Variants in RYR2 observed in about 807,000 individuals in gnomAD.
RYR2 encodes ryanodine receptor 2.
RYR2 carries 227 observed loss-of-function variants against 601.1 expected under a neutral mutation model. The ratio of observed to expected loss-of-function variants is 0.38; its 90% confidence interval spans 0.34 to 0.42. The LOEUF is 0.42. RYR2 is among the 10% of genes least tolerant of loss of function. The pLI is 1.00. For missense variants in RYR2, 4,646 were observed against 6,156.5 expected (o/e 0.75, Z 8.21); for synonymous variants, 2,223 against 2,175.1 (o/e 1.02, Z -0.61).
chr1:237,455,478 T>C (rs1572404766), intron 15 of RYR2, among the ~76,000 whole-genome samples: 1 of 152,232 alleles, frequency 6.6e-6, no homozygotes, highest in East Asian at 1.9e-4. Context: ...TTCTGCTCAC[T>C]ATCTGGGTGA....
chr1:237,531,533 C>T (rs551070275), intron 25 of RYR2, among the ~76,000 whole-genome samples: 1 of 152,162 alleles, frequency 6.6e-6, no homozygotes, highest in East Asian at 1.9e-4. Context: ...TCAAAGTAGC[C>T]ACCCCATAAT....
chr1:237,548,664 C>G, intron 26 of RYR2, 74 bp downstream of exon 26: 1 of 1,531,734 alleles, frequency 6.5e-7, no homozygotes, highest in Non-Finnish European at 8.9e-7. Context: ...GGAAGGATTA[C>G]ATAATGACTA....
chr1:237,700,313 C>A lies in RYR2; in HGVS notation c.9213C>A (p.Thr3071=). The A allele has an allele frequency of 6.3e-7, 1 of 1,595,024 alleles. No homozygotes were observed. Among genetic ancestry groups the A allele is most frequent in the Non-Finnish European group, 8.5e-7 (1 of 1,170,068 alleles). ...LDNAAEDLEK[T]MENLKQGQFT... The stretch of plus-strand genomic sequence containing the variant: ...ACGCTGCAGAGGATCTGGAGAAGAC[C>A]ATGGAAAACCTCAAGCAGGGCCAGT... Residue 3071 remains threonine, a synonymous_variant, in exon 65 of 105, where the codon ACC becomes ACA. Coordinates refer to ENST00000366574, the MANE Select transcript of RYR2 (RefSeq NM_001035.3).
chr1:237,606,307 A>G (rs1335818707), intron 35 of RYR2, among the ~76,000 whole-genome samples: 2 of 152,346 alleles, frequency 1.3e-5, no homozygotes, highest in East Asian at 1.9e-4. Context: ...GACAAAAACA[A>G]GAAATGGGGA....
At chr1:237,305,836 C>T (rs1267842530) in intron 2 of RYR2, among the ~76,000 whole-genome samples, 1 of 152,160 alleles carries the variant, frequency 6.6e-6, no homozygotes, top group Non-Finnish European at 1.5e-5. Context: ...TCCAAAATTA[C>T]TCATAATATT....
At chr1:237,242,617 A>T (rs1030077913) in intron 1 of RYR2, among the ~76,000 whole-genome samples, 1 of 152,202 alleles carries the variant, frequency 6.6e-6, no homozygotes, top group African/African-American at 2.4e-5. Context: ...TCCTTAGCAT[A>T]GACATTTTCA....
Position 237,761,082 on chromosome 1 carries a change from G to A in RYR2, c.11476+54G>A, listed in dbSNP as rs184761420. ...CCTGTCTCCCTTCCCTCCCTGAAAC[G>A]AGTCAATTATCAATTACCTTTCAAG... On this transcript the variant is annotated intron_variant, in intron 84 of 104. Transcript: ENST00000366574. The A allele has an allele frequency of 9.9e-6, 10 of 1,010,790 alleles. No homozygotes were observed. The Admixed American group carries it at 1.8e-4, about 18-fold the overall frequency. 62.6% of individuals were successfully genotyped at this position (1,010,790 alleles called of 1,614,324 possible). A position where few individuals can be genotyped will look rare whatever the true frequency, so the allele number is the denominator to read the frequency against.
At chr1:237,420,549 T>C (rs1239194842) in intron 11 of RYR2, among the ~76,000 whole-genome samples, 2 of 151,918 alleles carry the variant, frequency 1.3e-5, no homozygotes, top group African/African-American at 4.9e-5. Context: ...GGTGGGGGTC[T>C]GGGCATGTGA....
rs545486509 is a variant in RYR2, at chr1:237,145,933, T to C, written c.48+103364T>C. On this transcript the variant is annotated intron_variant, in intron 1 of 104. Transcript: ENST00000366574. Reference sequence around the variant, plus strand: ...AAGGGTTTTCTCTTCCAGCTGCCGCTGTATTTGGGTAAACAAAAATCCTGT... The same window carrying C: ...AAGGGTTTTCTCTTCCAGCTGCCGCCGTATTTGGGTAAACAAAAATCCTGT... Among the ~76,000 whole-genome samples, 5 of 152,342 alleles carry C rather than the reference T, an allele frequency of 3.3e-5. No homozygotes were observed. In the East Asian group the frequency reaches 9.6e-4, roughly 29 times the overall value.
At chr1:237,243,956 A>G (rs1686495129) in intron 1 of RYR2, among the ~76,000 whole-genome samples, 1 of 152,134 alleles carries the variant, frequency 6.6e-6, no homozygotes, top group African/African-American at 2.4e-5. Context: ...CTCCTTCCTC[A>G]GTTTCATTAC....
intron 12 of RYR2, among the ~76,000 whole-genome samples, chr1:237,426,882 G>A (rs375483069): frequency 1.9e-4 from 29 of 151,984 alleles, no homozygotes; most frequent in Middle Eastern, 3.4e-3. Context: ...AGACTTTATA[G>A]AAAAACTAAA....
intron 36 of RYR2, among the ~76,000 whole-genome samples, chr1:237,611,545 T>C (rs1005393841): frequency 3.3e-5 from 5 of 152,182 alleles, no homozygotes; most frequent in Non-Finnish European, 2.9e-5. Flanking sequence ...TTTGAGTAGC[T>C]TTGTTTATGA....
chr1:237,697,104 T>A (rs890683317), intron 63 of RYR2, among the ~76,000 whole-genome samples: 1 of 151,738 alleles, frequency 6.6e-6, no homozygotes, highest in African/African-American at 2.4e-5. Flanking sequence ...TTCCTCTTGC[T>A]CTGACTCCCT....
chr1:237,082,485 A>G (rs2148405434), intron 1 of RYR2, among the ~76,000 whole-genome samples: 1 of 140,646 alleles, frequency 7.1e-6, no homozygotes, highest in South Asian at 2.3e-4. Flanking sequence ...ATCTTGATGG[A>G]ATTAAAACCC....
chr1:237,642,434 CA>C (rs1484768517), intron 47 of RYR2, among the ~76,000 whole-genome samples: 2 of 151,952 alleles, frequency 1.3e-5, no homozygotes, highest in African/African-American at 4.8e-5. Flanking sequence ...ACAACAACAA[CA>C]AAAATACTTG....
chr1:237,499,251 C>T (rs1558924121), intron 20 of RYR2, among the ~76,000 whole-genome samples: 1 of 152,110 alleles, frequency 6.6e-6, no homozygotes, highest in Non-Finnish European at 1.5e-5. Flanking sequence ...TCAATTTAAA[C>T]TTTGCGGTGT....
At chr1:237,262,570 T>C (rs1688649573) in intron 1 of RYR2, among the ~76,000 whole-genome samples, 1 of 152,140 alleles carries the variant, frequency 6.6e-6, no homozygotes, top group Non-Finnish European at 1.5e-5. Context: ...AGTTTTATAG[T>C]CACAGGAAAT....
chr1:237,050,362 G>C (rs951734275), intron 1 of RYR2, among the ~76,000 whole-genome samples: 1 of 152,226 alleles, frequency 6.6e-6, no homozygotes, highest in Non-Finnish European at 1.5e-5. Flanking sequence ...GAAGGGCTGA[G>C]GCGGGAACGA....
intron 1 of RYR2, among the ~76,000 whole-genome samples, chr1:237,257,652 G>C (rs929097123): frequency 6.6e-6 from 1 of 152,130 alleles, no homozygotes; most frequent in African/African-American, 2.4e-5. Context: ...TGCAGTGTGC[G>C]TGCTTCTGTT....
Sources: gnomAD v4.1 joint callset for allele counts (sites outside exome capture counted in the v4.1 genomes callset) on GRCh38, gnomAD v4.1.1 for gene constraint, MANE v1.5 for transcripts, NCBI Gene and HGNC (gene_info 2026-07-23, HGNC 2026-07-21) for gene names.